The following HDAC9 variants were observed in gnomAD, a reference collection of about 807,000 sequenced individuals.
HDAC9 encodes the protein histone deacetylase 9, also known as MEF-2 interacting transcription repressor (MITR) protein.
HDAC9 carries 41 observed loss-of-function variants against 139.4 expected under a neutral mutation model. That is an observed-to-expected ratio of 0.29 (90% CI 0.23 to 0.38). HDAC9 has a LOEUF of 0.38. Among genes scored for constraint, HDAC9 ranks in the 10% least tolerant of loss-of-function variants. HDAC9 has a pLI of 1.00. For synonymous variants in HDAC9, 517 were observed against 476.2 expected (o/e 1.09, Z -1.12); for missense variants, 1,147 against 1,297.0 (o/e 0.88, Z 1.78).
intron 1 of HDAC9, among the ~76,000 whole-genome samples, chr7:18,373,991 T>C (rs1784787539): frequency 6.6e-6 from 1 of 151,986 alleles, no homozygotes; most frequent in African/African-American, 2.4e-5. Flanking sequence ...GTAAAAAATG[T>C]TACAATATGG....
chr7:18,342,110 C>A (rs1327150467), intron 1 of HDAC9, among the ~76,000 whole-genome samples: 1 of 151,838 alleles, frequency 6.6e-6, no homozygotes, highest in Non-Finnish European at 1.5e-5. Context: ...AATTTCCTTA[C>A]ACACATGTAC....
At chr7:18,485,769 A>G (rs1262370847) in intron 1 of HDAC9, among the ~76,000 whole-genome samples, 1 of 152,160 alleles carries the variant, frequency 6.6e-6, no homozygotes, top group Non-Finnish European at 1.5e-5. Flanking sequence ...AACATGAGAG[A>G]ATTGTGACTC....
intron 12 of HDAC9, among the ~76,000 whole-genome samples, chr7:18,719,915 A>T (rs1785016148): frequency 6.6e-6 from 1 of 152,132 alleles, no homozygotes; most frequent in African/African-American, 2.4e-5. Flanking sequence ...GCCCTGCTGA[A>T]TTGTCTTGGC....
intron 16 of HDAC9, among the ~76,000 whole-genome samples, chr7:18,771,288 T>C (rs1181364071): frequency 6.6e-6 from 1 of 152,024 alleles, no homozygotes; most frequent in African/African-American, 2.4e-5. Flanking sequence ...TACACCTAGA[T>C]CTGACACACT....
At chr7:18,456,017 A>C (rs1322797648) in intron 1 of HDAC9, among the ~76,000 whole-genome samples, 1 of 152,186 alleles carries the variant, frequency 6.6e-6, no homozygotes, top group African/African-American at 2.4e-5. Context: ...ACTCCTTAAA[A>C]TATTTGTGAG....
At chr7:18,818,981 T>TAA (rs903115326) in intron 17 of HDAC9, among the ~76,000 whole-genome samples, 3 of 148,376 alleles carry the variant, frequency 2.0e-5, no homozygotes, top group African/African-American at 7.4e-5. Flanking sequence ...TATATGAAAT[T>TAA]AAAAAAAAAA....
chr7:18,742,873 C>A (rs1323881479), intron 13 of HDAC9, among the ~76,000 whole-genome samples: 6 of 152,010 alleles, frequency 3.9e-5, no homozygotes, highest in Non-Finnish European at 7.4e-5. Flanking sequence ...TATTTTTATT[C>A]ATTCCATTGT....
intron 2 of HDAC9, among the ~76,000 whole-genome samples, chr7:18,182,645 T>G (rs1164699808): frequency 6.6e-6 from 1 of 152,230 alleles, no homozygotes; most frequent in Non-Finnish European, 1.5e-5. Flanking sequence ...CTTATCCCAT[T>G]TTACAGACGG....
At chr7:18,360,647 T>C (rs953422952) in intron 1 of HDAC9, among the ~76,000 whole-genome samples, 1 of 152,206 alleles carries the variant, frequency 6.6e-6, no homozygotes, top group African/African-American at 2.4e-5. Context: ...TATTCTTTCC[T>C]CAAAGAGTAA....
At chr7:18,430,398 A>AT (rs574937102) in intron 1 of HDAC9, 3 of 152,088 alleles carry the variant, frequency 2.0e-5, no homozygotes, top group Non-Finnish European at 4.4e-5. Flanking sequence ...TAATTTTTTA[A>AT]TTTTTTGTAG....
intron 8 of HDAC9, among the ~76,000 whole-genome samples, chr7:18,636,014 TATA>T (rs1783772623): frequency 1.3e-5 from 2 of 152,134 alleles, no homozygotes; most frequent in African/African-American, 4.8e-5. Flanking sequence ...CAGGTCAGAA[TATA>T]ATAAGTGAAG....
chr7:18,275,598 G>A (rs1683840880), intron 2 of HDAC9, among the ~76,000 whole-genome samples: 1 of 152,108 alleles, frequency 6.6e-6, no homozygotes, highest in South Asian at 2.1e-4. Context: ...GAATTGCTGT[G>A]GTTGCAAGAG....
At chr7:18,472,611 C>T (rs369634219) in intron 1 of HDAC9, among the ~76,000 whole-genome samples, 1 of 152,142 alleles carries the variant, frequency 6.6e-6, no homozygotes, top group Non-Finnish European at 1.5e-5. Flanking sequence ...GTGAAGCGGG[C>T]CTTCCTTACG....
intron 1 of HDAC9, among the ~76,000 whole-genome samples, chr7:18,488,090 A>C (rs1172046500): frequency 6.6e-6 from 1 of 152,038 alleles, no homozygotes; most frequent in African/African-American, 2.4e-5. Context: ...TCAGAATGCT[A>C]ATCCTTAACT....
intron 2 of HDAC9, among the ~76,000 whole-genome samples, chr7:18,264,906 G>A (rs1333693216): frequency 6.6e-5 from 10 of 152,136 alleles, no homozygotes; most frequent in African/African-American, 9.7e-5. Context: ...TATCTCAGTG[G>A]TATGAGATAG....
chr7:18,871,553 G>T (rs1798916685), intron 21 of HDAC9, among the ~76,000 whole-genome samples: 1 of 152,112 alleles, frequency 6.6e-6, no homozygotes. Flanking sequence ...TTTCTTTTCA[G>T]TGGGATATTG....
At chr7:18,241,796 T>A (rs569042528) in intron 2 of HDAC9, among the ~76,000 whole-genome samples, 1 of 152,238 alleles carries the variant, frequency 6.6e-6, no homozygotes, top group South Asian at 2.1e-4. Context: ...ATTAATATGC[T>A]GAAGAAAAGA....
chr7:18,792,473 T>C (rs1458171049), intron 16 of HDAC9, among the ~76,000 whole-genome samples: 2 of 152,206 alleles, frequency 1.3e-5, no homozygotes, highest in East Asian at 3.9e-4. Context: ...TAACATATGA[T>C]AATTATAAAC....
chr7:18,868,153 G>A (rs1362814288), intron 21 of HDAC9, among the ~76,000 whole-genome samples: 1 of 151,968 alleles, frequency 6.6e-6, no homozygotes, highest in Non-Finnish European at 1.5e-5. Flanking sequence ...TATATGCCAG[G>A]TAATCCCTGA....
Sources: gnomAD v4.1 joint callset for allele counts (sites outside exome capture counted in the v4.1 genomes callset) on GRCh38, gnomAD v4.1.1 for gene constraint, MANE v1.5 for transcripts, NCBI Gene and HGNC (gene_info 2026-07-23, HGNC 2026-07-21) for gene names.